The following TBC1D5 variants were observed in gnomAD, a reference collection of about 807,000 sequenced individuals.
TBC1D5 encodes the protein TBC1 domain family, member 5.
In TBC1D5, 75 loss-of-function variants were observed where a neutral mutation model predicts 100.3. The ratio of observed to expected loss-of-function variants is 0.75; its 90% confidence interval spans 0.62 to 0.91. The LOEUF is 0.91. Ranked by LOEUF, TBC1D5 falls within the 40% of genes least tolerant of loss-of-function variation. The pLI, the probability that TBC1D5 is intolerant of heterozygous loss-of-function variation, is 0.00. For synonymous variants in TBC1D5, 323 were observed against 325.6 expected, an observed-to-expected ratio of 0.99 and a Z score of 0.09; for missense variants, 910 against 942.4, an observed-to-expected ratio of 0.97 and a Z score of 0.45.
chr3:17,318,452 T>C (rs1019283006), intron 13 of TBC1D5, among the ~76,000 whole-genome samples: 1 of 152,166 alleles, frequency 6.6e-6, no homozygotes, highest in African/African-American at 2.4e-5. Context: ...AAGCAAATGG[T>C]CTGTGGAATA....
Position 17,363,237 on chromosome 3 carries a change from A to G in TBC1D5, c.995+8838T>C, listed in dbSNP as rs553552756. 1.5e-3 allele frequency among the ~76,000 whole-genome samples: 235 copies of G among 152,248 alleles called. 3 individuals carry two copies. In the Middle Eastern group the frequency reaches 0.041, roughly 26 times the overall value. ...TGTCATAAAAAACACTGTGATAAAC[A>G]TATCTATACATGGACTTTTATTCTA... On this transcript the variant is annotated intron_variant, in intron 13 of 21. Transcript: ENST00000253692.
At chr3:17,507,116 C>T (rs2095852713) in intron 3 of TBC1D5, among the ~76,000 whole-genome samples, 1 of 152,220 alleles carries the variant, frequency 6.6e-6, no homozygotes, top group Non-Finnish European at 1.5e-5. Flanking sequence ...ATTTTATACA[C>T]TTGTAACACA....
intron 13 of TBC1D5, among the ~76,000 whole-genome samples, chr3:17,359,726 C>T (rs1015296836): frequency 3.9e-5 from 6 of 151,902 alleles, no homozygotes; most frequent in Non-Finnish European, 7.4e-5. Context: ...AGCTTAATTA[C>T]CAAGTATACT....
At chr3:17,468,431 T>C (rs2095334583) in intron 3 of TBC1D5, among the ~76,000 whole-genome samples, 1 of 152,236 alleles carries the variant, frequency 6.6e-6, no homozygotes, top group Admixed American at 6.5e-5. Flanking sequence ...CTGCAACTTA[T>C]AATAACTTAT....
Position 17,502,979 on chromosome 3 carries a change from T to C in TBC1D5, c.97+5495A>G, listed in dbSNP as rs922175754. ...CAGGCCACTATCATCTCACCTAGAA[T>C]ATTTCGATGGCTTCCGAAATGATTG... On this transcript the variant is annotated intron_variant, in intron 3 of 21. Transcript: ENST00000253692. Among the ~76,000 whole-genome samples the C allele has an allele frequency of 7.3e-5, 11 of 149,688 alleles. 1 individual carries two copies. The highest frequency in any genetic ancestry group is 2.8e-4 in the African/African-American group (11 of 39,416).
At chr3:17,592,579 G>C (rs2060299069) in intron 2 of TBC1D5, among the ~76,000 whole-genome samples, 1 of 152,202 alleles carries the variant, frequency 6.6e-6, no homozygotes, top group Admixed American at 6.5e-5. Flanking sequence ...ATCTGGGTTT[G>C]TTACTCCAGC....
intron 3 of TBC1D5, among the ~76,000 whole-genome samples, chr3:17,476,733 GT>G (rs1242864323): frequency 6.6e-6 from 1 of 151,832 alleles, no homozygotes; most frequent in African/African-American, 2.4e-5. Flanking sequence ...CATGATCATG[GT>G]GTGTCCTCTA....
At chr3:17,358,039 C>A (rs561517461) in intron 13 of TBC1D5, among the ~76,000 whole-genome samples, 1 of 152,136 alleles carries the variant, frequency 6.6e-6, no homozygotes, top group Non-Finnish European at 1.5e-5. Context: ...TACCTCCCCC[C>A]ACAACTCACT....
chr3:17,599,637 C>T (rs1315834679), intron 2 of TBC1D5, among the ~76,000 whole-genome samples: 1 of 152,158 alleles, frequency 6.6e-6, no homozygotes. Flanking sequence ...AACACTTAGC[C>T]ATCTACGGAT....
intron 3 of TBC1D5, among the ~76,000 whole-genome samples, chr3:17,456,548 G>A (rs778042233): frequency 3.9e-5 from 6 of 152,096 alleles, no homozygotes; most frequent in Non-Finnish European, 7.4e-5. Flanking sequence ...CATATGAAAA[G>A]GTGTTCAACA....
Position 17,690,468 on chromosome 3 carries a change from G to A in TBC1D5, c.-101+48875C>T, listed in dbSNP as rs1261967344. 8.7e-4 allele frequency among the ~76,000 whole-genome samples: 26 copies of A among 29,998 alleles called. 9 individuals carry two copies. Among genetic ancestry groups the A allele is most frequent in the Non-Finnish European group, 1.8e-3 (25 of 14,118 alleles). 19.7% of individuals were successfully genotyped at this position (29,998 alleles called of 152,430 possible). A position where few individuals can be genotyped will look rare whatever the true frequency, so the allele number is the denominator to read the frequency against. ...CCTGACCTCGTGATCCGCCCGCCTC[G>A]GCCTCCCAAAGTGCTGGGATTACAG... is the stretch of plus-strand genomic sequence containing the variant. On this transcript the variant is annotated intron_variant, in intron 1 of 21. Transcript: ENST00000253692.
chr3:17,167,575 T>G (rs956881829), intron 20 of TBC1D5, among the ~76,000 whole-genome samples, 174 bp downstream of exon 21: 1 of 152,112 alleles, frequency 6.6e-6, no homozygotes, highest in African/African-American at 2.4e-5. Flanking sequence ...TAGTCAGATA[T>G]AATTGTTAGA....
At chr3:17,737,120 C>T (rs1201048037) in intron 1 of TBC1D5, among the ~76,000 whole-genome samples, 26 of 152,118 alleles carry the variant, frequency 1.7e-4, no homozygotes, top group Admixed American at 1.2e-3. Flanking sequence ...CCTCTGCAGC[C>T]GGTTCCTAAG....
At chr3:17,294,736 C>G (rs2082082628) in intron 14 of TBC1D5, among the ~76,000 whole-genome samples, 1 of 152,210 alleles carries the variant, frequency 6.6e-6, no homozygotes, top group Non-Finnish European at 1.5e-5. Flanking sequence ...AGGAATATAA[C>G]AGCAAATAAG....
At chr3:17,372,970 T>A (rs937238180) in intron 12 of TBC1D5, among the ~76,000 whole-genome samples, 2 of 152,164 alleles carry the variant, frequency 1.3e-5, no homozygotes, top group African/African-American at 2.4e-5. Flanking sequence ...ATACAGTCTG[T>A]GCTGCAACTC....
intron 2 of TBC1D5, among the ~76,000 whole-genome samples, chr3:17,518,233 T>C (rs2096016205): frequency 6.6e-6 from 1 of 152,102 alleles, no homozygotes; most frequent in African/African-American, 2.4e-5. Context: ...CAGCCCAAAG[T>C]TAGAACTTCT....
rs188267633 is a variant in TBC1D5 at position 17,446,912 on chromosome 3, A to G, written c.98-18393T>C. 2.5e-3 allele frequency among the ~76,000 whole-genome samples: 384 copies of G among 151,214 alleles called. 5 individuals carry two copies. The highest frequency in any genetic ancestry group is 1.2e-3 in the East Asian group (6 of 5,064). ...CGTGAACCTGGGAGGCGGAGCTTGCAGTGAGCCGAGATCACACCACTGCAC... is the reference window on the plus strand; with the variant it reads ...CGTGAACCTGGGAGGCGGAGCTTGCGGTGAGCCGAGATCACACCACTGCAC... On this transcript the variant is annotated intron_variant, in intron 3 of 21. Transcript: ENST00000253692.
intron 1 of TBC1D5, among the ~76,000 whole-genome samples, chr3:17,703,911 T>G (rs1163240871): frequency 1.4e-4 from 15 of 106,208 alleles, no homozygotes; most frequent in Non-Finnish European, 3.0e-4. Flanking sequence ...GTGTTTTTTT[T>G]TTGTTTTTTT....
At chr3:17,255,297 T>A (rs1472084535) in intron 16 of TBC1D5, among the ~76,000 whole-genome samples, 2 of 152,110 alleles carry the variant, frequency 1.3e-5, no homozygotes, top group Admixed American at 1.3e-4. Flanking sequence ...ACCTCCTGGG[T>A]TCCAGCGTTT....
Sources: allele counts gnomAD v4.1 joint callset (sites outside exome capture counted in the v4.1 genomes callset), GRCh38; gene constraint gnomAD v4.1.1; transcripts MANE v1.5; gene names NCBI Gene and HGNC (gene_info 2026-07-23, HGNC 2026-07-21).